Variants in ARHGEF3 observed in about 807,000 individuals in gnomAD.
The protein encoded by ARHGEF3 is Rho guanine nucleotide exchange factor 3, also known as 59.8 kDA protein.
A neutral mutation model predicts 63.2 loss-of-function variants in ARHGEF3; 28 were observed. The ratio of observed to expected loss-of-function variants is 0.44; its 90% CI spans 0.33 to 0.61. The LOEUF is 0.61. ARHGEF3 is among the 20% of genes least tolerant of loss of function. The pLI is 0.03. For synonymous variants in ARHGEF3, 266 were observed against 254.2 expected (o/e 1.05, Z -0.44); for missense variants, 533 against 659.3 (o/e 0.81, Z 2.10).
At position 56,994,796 on chromosome 3, in the gene ARHGEF3, C is replaced by T. The variant is rs1303916660; in HGVS notation, c.63-35907G>A. The stretch of plus-strand genomic sequence containing the variant: ...GATGACTGACTGATATGGTTTGGAT[C>T]TGTGTCTCTGAATCTCATGTGAAAC... On this transcript the variant is annotated intron_variant, in intron 2 of 12. Coordinates refer to the ARHGEF3 transcript ENST00000338458. 3.9e-5 allele frequency among the ~76,000 whole-genome samples: 6 copies of T among 152,262 alleles called. No homozygotes were observed. The East Asian group carries it at 1.2e-3, about 29-fold the overall frequency.
At chr3:56,985,743 C>G (rs954426736) in intron 2 of ARHGEF3, among the ~76,000 whole-genome samples, 6 of 152,218 alleles carry the variant, frequency 3.9e-5, no homozygotes, top group Admixed American at 2.6e-4. Context: ...CACCATGCCT[C>G]CTGGGCACTG....
At chr3:56,817,854 T>C (rs1479482054) in intron 4 of ARHGEF3, among the ~76,000 whole-genome samples, 1 of 152,180 alleles carries the variant, frequency 6.6e-6, no homozygotes, top group East Asian at 1.9e-4. Context: ...GCATGCCCCG[T>C]ACCCACAGGG....
intron 3 of ARHGEF3, among the ~76,000 whole-genome samples, chr3:56,945,241 A>G (rs886929720): frequency 6.6e-6 from 1 of 152,172 alleles, no homozygotes; most frequent in Admixed American, 6.5e-5. Flanking sequence ...TACTGGGTTC[A>G]TCTCACTGGG....
At chr3:56,733,151 C>T (rs962245567) in intron 8 of ARHGEF3, among the ~76,000 whole-genome samples, 2 of 151,612 alleles carry the variant, frequency 1.3e-5, no homozygotes, top group African/African-American at 2.4e-5. Flanking sequence ...GGTGTGGTGG[C>T]GGGCACCTGT....
intron 4 of ARHGEF3, among the ~76,000 whole-genome samples, chr3:56,814,563 C>T (rs1046552086): frequency 7.2e-5 from 11 of 152,070 alleles, no homozygotes; most frequent in Admixed American, 7.2e-4. Context: ...GTTAAAAACA[C>T]ATGAATAATC....
Position 56,931,573 on chromosome 3 carries a change from C to T in ARHGEF3, c.129+27250G>A, listed in dbSNP as rs867830716. 3.1e-4 allele frequency among the ~76,000 whole-genome samples: 11 copies of T among 34,986 alleles called. No individual in the cohort carries two copies. In the Admixed American group the frequency reaches 3.4e-3, roughly 11 times the overall value. The allele number at this position is 34,986 out of a possible 152,430, so 23.0% of individuals were successfully genotyped here. A position where few individuals can be genotyped will look rare whatever the true frequency, so the allele number is the denominator to read the frequency against. On this transcript the variant is annotated intron_variant, in intron 3 of 12. Coordinates refer to the ARHGEF3 transcript ENST00000338458. ...CCTGGGTGACAGAGTGAGATCCTGT[C>T]TCAAAAAAAAAAAAAAAAAAAAAAA...
chr3:56,791,566 G>C (rs2107919463), intron 1 of ARHGEF3, among the ~76,000 whole-genome samples: 1 of 152,258 alleles, frequency 6.6e-6, no homozygotes, highest in African/African-American at 2.4e-5. Context: ...CCTTGCAGTT[G>C]GAGATTACTC....
intron 1 of ARHGEF3, among the ~76,000 whole-genome samples, chr3:56,787,190 T>G (rs1332430302): frequency 6.6e-6 from 1 of 152,108 alleles, no homozygotes; most frequent in Non-Finnish European, 1.5e-5. Flanking sequence ...GGCACAAGGA[T>G]GAAGTGGAAG....
chr3:56,769,335 A>G (rs1366325091), intron 2 of ARHGEF3, among the ~76,000 whole-genome samples: 1 of 152,208 alleles, frequency 6.6e-6, no homozygotes, highest in Non-Finnish European at 1.5e-5. Flanking sequence ...GTCCCCTTTC[A>G]GAGCTGGGCC....
rs151331206 is a variant in ARHGEF3 at position 56,964,549 on chromosome 3, C to A, written c.63-5660G>T. ...TTTGTTCACCAATATTATTGAGCAG[C>A]TACTACATGTCAGGCATGGTGCCAG... is the stretch of plus-strand genomic sequence containing the variant. On this transcript the variant is annotated intron_variant, in intron 2 of 12. Coordinates refer to the ARHGEF3 transcript ENST00000338458. Among the ~76,000 whole-genome samples, 32 of 152,232 alleles carry A rather than the reference C, an allele frequency of 2.1e-4. No individual in the cohort carries two copies. The East Asian group carries it at 6.2e-3, about 29-fold the overall frequency.
intron 2 of ARHGEF3, among the ~76,000 whole-genome samples, chr3:56,976,709 T>C (rs1701138491): frequency 6.6e-6 from 1 of 152,194 alleles, no homozygotes; most frequent in African/African-American, 2.4e-5. Flanking sequence ...CCAAGGTAAT[T>C]AGATGCTCCA....
At chr3:56,960,356 T>C (rs1700226461) in intron 2 of ARHGEF3, among the ~76,000 whole-genome samples, 1 of 152,208 alleles carries the variant, frequency 6.6e-6, no homozygotes, top group African/African-American at 2.4e-5. Context: ...GGGATTCTGT[T>C]CTTAGTTGTC....
At chr3:56,822,442 C>T (rs968675810) in intron 4 of ARHGEF3, among the ~76,000 whole-genome samples, 1 of 152,080 alleles carries the variant, frequency 6.6e-6, no homozygotes, top group East Asian at 1.9e-4. Flanking sequence ...TGAAGCCAAG[C>T]AAAATGGGAA....
intron 4 of ARHGEF3, among the ~76,000 whole-genome samples, chr3:56,847,315 C>T (rs1274007759): frequency 6.6e-6 from 1 of 152,154 alleles, no homozygotes; most frequent in Non-Finnish European, 1.5e-5. Flanking sequence ...AATTCTAAGA[C>T]TCAAATTTGC....
At chr3:56,944,568 C>CTTTTTTTTTTTTTTTTT (rs1205155655) in intron 3 of ARHGEF3, among the ~76,000 whole-genome samples, 1 of 65,834 alleles carries the variant, frequency 1.5e-5, no homozygotes, top group Non-Finnish European at 2.7e-5. Flanking sequence ...AAAGTGGTTT[C>CTTTTTTTTTTTTTTTTT]TTTTTTTTTT....
intron 3 of ARHGEF3, among the ~76,000 whole-genome samples, chr3:56,914,167 G>C (rs1478803513): frequency 6.6e-6 from 1 of 152,184 alleles, no homozygotes; most frequent in Non-Finnish European, 1.5e-5. Flanking sequence ...ACTACAAATA[G>C]GTTGCAGTGT....
intron 2 of ARHGEF3, among the ~76,000 whole-genome samples, chr3:56,981,784 T>A (rs942924728): frequency 6.6e-6 from 1 of 152,184 alleles, no homozygotes; most frequent in Non-Finnish European, 1.5e-5. Context: ...AGGCTGTTTT[T>A]TCAGCCCTTC....
At chr3:56,892,873 G>A (rs1333068540) in intron 3 of ARHGEF3, among the ~76,000 whole-genome samples, 1 of 152,162 alleles carries the variant, frequency 6.6e-6, no homozygotes, top group African/African-American at 2.4e-5. Flanking sequence ...AATGCCAACG[G>A]GCAGGCCTTT....
At chr3:56,975,893 TA>T in intron 2 of ARHGEF3, 1 of 305,756 alleles carries the variant, frequency 3.3e-6, no homozygotes, top group Non-Finnish European at 6.4e-6. Flanking sequence ...CATCTGCAAA[TA>T]AAAATATCCA....
Sources: gnomAD v4.1 joint callset for allele counts (sites outside exome capture counted in the v4.1 genomes callset) on GRCh38, gnomAD v4.1.1 for gene constraint, MANE v1.5 for transcripts, NCBI Gene and HGNC (gene_info 2026-07-23, HGNC 2026-07-21) for gene names.